Variants in WDCP observed in about 807,000 individuals in gnomAD.
WDCP encodes the protein WD repeat and coiled coil containing.
A neutral mutation model predicts 41.6 loss-of-function variants in WDCP; 19 were observed. The observed-to-expected ratio is 0.46, with a 90% CI of 0.32 to 0.67. The LOEUF is 0.67. Ranked by LOEUF, WDCP falls within the 30% of genes least tolerant of loss-of-function variation. The pLI, the probability that WDCP is intolerant of heterozygous loss-of-function variation, is 0.04. For synonymous variants in WDCP, 302 were observed against 320.8 expected (o/e 0.94, Z 0.63); for missense variants, 802 against 850.7 (o/e 0.94, Z 0.71).
rs1663137677 is a variant in WDCP at position 24,032,883 on chromosome 2, T to C, written c.1882A>G (p.Arg628Gly). ...RAVLLCDGKL[R>G]LSTVQQTFGL... ...AAAGTCTGCTGAACTGTACTGAGCC[T>C]TAGTTTACCATCACAGAGAAGCACC... Residue 628 changes from arginine (R) to glycine (G), a missense_variant, in exon 3 of 4, where the codon AGG becomes GGG. By Grantham distance (125) the Arg-to-Gly change is moderately radical. Transcript: ENST00000295148. 6.2e-7 allele frequency: 1 copy of C among 1,613,888 alleles called. No individual in the cohort carries two copies. Among genetic ancestry groups the C allele is most frequent in the Non-Finnish European group, 8.5e-7 (1 of 1,179,808 alleles).
At position 24,038,861 on chromosome 2, in the gene WDCP, T is replaced by C; in HGVS notation, c.634A>G (p.Thr212Ala). 1 of 1,614,232 alleles carries C rather than the reference T, an allele frequency of 6.2e-7. No homozygotes were observed. The highest frequency in any genetic ancestry group is 8.5e-7 in the Non-Finnish European group (1 of 1,180,028). Reference protein sequence around the residue: ...VDSHVCSITATVDSQVAIATE... With the variant: ...VDSHVCSITAAVDSQVAIATE... ...GCTATAGCAACCTGTGAGTCCACAG[T>C]TGCTGTGATGGAGCAGACGTGGCTG... Residue 212 changes from threonine (T) to alanine (A), a missense_variant, in exon 2 of 4, where the codon ACT becomes GCT. Coordinates refer to ENST00000295148, the MANE Select transcript of WDCP (RefSeq NM_025203.3).
At chr2:24,047,006 TATAA>T (rs889980824) in intron 1 of WDCP, among the ~76,000 whole-genome samples, 9 of 152,270 alleles carry the variant, frequency 5.9e-5, no homozygotes, top group African/African-American at 2.2e-4. Context: ...CGCTACCCGC[TATAA>T]ATAAAGCTCG....
intron 1 of WDCP, among the ~76,000 whole-genome samples, chr2:24,043,317 C>T (rs1394164559): frequency 6.6e-6 from 1 of 152,108 alleles, no homozygotes. Flanking sequence ...GCCTGGACAA[C>T]AGAGTGAGAC....
In WDCP at chr2:24,037,791, C is replaced by G. The variant is rs200402344; in HGVS notation, c.1704G>C (p.Leu568=). The change falls in exon 2 of 4, where the codon CTG becomes CTC. Residue 568 remains leucine (L), a synonymous_variant. Coordinates refer to ENST00000295148, the MANE Select transcript of WDCP (RefSeq NM_025203.3). ...CAGAAAGACACCGTTGCATTTCAACCAGGTTCCTAGATAAAATTTCCACTT... is the reference window on the plus strand; with the variant it reads ...CAGAAAGACACCGTTGCATTTCAACGAGGTTCCTAGATAAAATTTCCACTT... ...SKEVEILSRN[L]VEMQRCLSEL... 4.2e-5 allele frequency: 68 copies of G among 1,614,124 alleles called. No individual in the cohort carries two copies. In the Middle Eastern group the frequency reaches 4.9e-4, roughly 12 times the overall value.
chr2:24,040,740 G>A (rs1233902974), intron 1 of WDCP, among the ~76,000 whole-genome samples: 1 of 152,186 alleles, frequency 6.6e-6, no homozygotes, highest in Non-Finnish European at 1.5e-5. Context: ...CTTAGGGCTG[G>A]GCGTGGTGAC....
At chr2:24,033,694 A>G (rs1440269338) in intron 2 of WDCP, among the ~76,000 whole-genome samples, 1 of 152,124 alleles carries the variant, frequency 6.6e-6, no homozygotes, top group East Asian at 1.9e-4. Context: ...TGAGCTGAGA[A>G]GGTGCCACTG....
chr2:24,032,474 G>A (rs1030039042), intron 3 of WDCP, among the ~76,000 whole-genome samples: 1 of 152,140 alleles, frequency 6.6e-6, no homozygotes, highest in Non-Finnish European at 1.5e-5. Context: ...TGTACTCCAG[G>A]ACCGGGTGGC....
At chr2:24,037,118 C>T (rs1663279598) in intron 2 of WDCP, among the ~76,000 whole-genome samples, 1 of 152,206 alleles carries the variant, frequency 6.6e-6, no homozygotes, top group Non-Finnish European at 1.5e-5. Context: ...ACCTGTGCCT[C>T]CCGGGCTCAA....
intron 2 of WDCP, among the ~76,000 whole-genome samples, chr2:24,037,142 T>G (rs1327140039): frequency 6.6e-6 from 1 of 152,198 alleles, no homozygotes; most frequent in African/African-American, 2.4e-5. Flanking sequence ...ATACTCCTGC[T>G]TTCCCAAGTA....
At position 24,037,980 on chromosome 2, in the gene WDCP, A is replaced by C; in HGVS notation, c.1515T>G (p.Ser505Arg). 6.2e-7 allele frequency: 1 copy of C among 1,614,238 alleles called. No homozygotes were observed. The part of the protein sequence containing the change: ...LIKEIQSPLS[S>R]ICDGSIALDA... ...CTAGAGCTATGGAGCCATCACAGAT[A>C]CTAGACAGAGGACTCTGGATTTCTT... Residue 505 changes from serine (S) to arginine (R), a missense_variant, in exon 2 of 4, where the codon AGT (serine) becomes AGG (arginine). By Grantham distance (110) the Ser-to-Arg change is moderately radical (BLOSUM62 -1). Coordinates refer to ENST00000295148, the MANE Select transcript of WDCP (RefSeq NM_025203.3).
chr2:24,037,755 G>A lies in WDCP; in HGVS notation c.1740C>T (p.Asn580=). 6.2e-7 allele frequency: 1 copy of A among 1,614,212 alleles called. No individual in the cohort carries two copies. Among genetic ancestry groups the A allele is most frequent in the East Asian group, 2.2e-5 (1 of 44,890 alleles). The change falls in exon 2 of 4, where the codon AAC becomes AAT. Residue 580 remains asparagine (N), a synonymous_variant. Transcript: ENST00000295148. ...EMQRCLSELT[N]RLHNGKKSSS... ...AGGATTTCTTCCCATTATGCAGACG[G>A]TTTGTAAGTTCAGAAAGACACCGTT...
intron 2 of WDCP, among the ~76,000 whole-genome samples, chr2:24,037,237 G>A (rs1663283586): frequency 6.6e-6 from 1 of 152,154 alleles, no homozygotes; most frequent in Non-Finnish European, 1.5e-5. Flanking sequence ...TGGCCAGGCT[G>A]GTCTCGAACT....
At chr2:24,044,439 A>G (rs915757313) in intron 1 of WDCP, among the ~76,000 whole-genome samples, 2 of 151,872 alleles carry the variant, frequency 1.3e-5, no homozygotes, top group East Asian at 3.9e-4. Context: ...GCTAATTTTT[A>G]TATTTTTAGT....
At chr2:24,041,892 G>A (rs944743195) in intron 1 of WDCP, among the ~76,000 whole-genome samples, 6 of 147,534 alleles carry the variant, frequency 4.1e-5, no homozygotes, top group African/African-American at 1.5e-4. Context: ...GATACATATA[G>A]TCAGTAGGGA....
chr2:24,042,068 T>C (rs945552505), intron 1 of WDCP, among the ~76,000 whole-genome samples: 1 of 152,008 alleles, frequency 6.6e-6, no homozygotes, highest in Non-Finnish European at 1.5e-5. Flanking sequence ...GATATAAGAA[T>C]AAAATGTTGC....
chr2:24,038,598 A>G lies in WDCP; in HGVS notation c.897T>C (p.Ser299=). Residue 299 remains serine, a synonymous_variant, in exon 2 of 4, where the codon TCT becomes TCC. Transcript: ENST00000295148. ...AGTCCTTTTTTCTTAGACAAATAAGAGAATTACCCTCAGACTTATGTTGAT... is the reference window on the plus strand; with the variant it reads ...AGTCCTTTTTTCTTAGACAAATAAGGGAATTACCCTCAGACTTATGTTGAT... ...HFNQHKSEGN[S]LICLRKKDYL... is the part of the protein sequence containing the mutation. 1.9e-6 allele frequency: 3 copies of G among 1,614,040 alleles called. No individual in the cohort carries two copies. The highest frequency in any genetic ancestry group is 2.5e-6 in the Non-Finnish European group (3 of 1,179,938).
intron 2 of WDCP, among the ~76,000 whole-genome samples, chr2:24,037,035 C>G (rs925613097): frequency 1.3e-5 from 2 of 152,216 alleles, no homozygotes; most frequent in Admixed American, 1.3e-4. Context: ...ATAACCTTTT[C>G]CTTTTTCTTT....
intron 1 of WDCP, among the ~76,000 whole-genome samples, chr2:24,041,805 C>T (rs1395707913): frequency 7.0e-6 from 1 of 142,328 alleles, no homozygotes; most frequent in Non-Finnish European, 1.5e-5. Flanking sequence ...TTGCAGTGAG[C>T]TCAGATGGCG....
intron 1 of WDCP, among the ~76,000 whole-genome samples, chr2:24,041,203 G>A (rs1663419853): frequency 6.6e-6 from 1 of 151,960 alleles, no homozygotes; most frequent in Middle Eastern, 3.4e-3. Context: ...GCCGGGCATG[G>A]TGGCGCATGC....
Sources: gnomAD v4.1 joint callset for allele counts (sites outside exome capture counted in the v4.1 genomes callset) on GRCh38, gnomAD v4.1.1 for gene constraint, MANE v1.5 for transcripts, NCBI Gene and HGNC (gene_info 2026-07-23, HGNC 2026-07-21) for gene names.